CCDC7: variants seen among roughly 807,000 people sequenced by gnomAD.
CCDC7 encodes the protein coiled-coil domain-containing protein 7.
Under a neutral mutation model 196.9 loss-of-function variants are expected in CCDC7, and 183 were observed. The ratio of observed to expected loss-of-function variants is 0.93; its 90% CI spans 0.82 to 1.05. CCDC7 has a LOEUF of 1.05. Ranked by LOEUF, CCDC7 falls within the 50% of genes least tolerant of loss-of-function variation. CCDC7 has a pLI of 0.00. For missense variants in CCDC7, 1,540 were observed against 1,482.2 expected (o/e 1.04, Z -0.64); for synonymous variants, 525 against 484.6 (o/e 1.08, Z -1.10).
At chr10:32,638,271 A>G (rs577449241) in intron 20 of CCDC7, among the ~76,000 whole-genome samples, 1 of 152,328 alleles carries the variant, frequency 6.6e-6, no homozygotes, top group East Asian at 1.9e-4. Flanking sequence ...AACTAAGTTG[A>G]ATAGGAGTCG....
intron 18 of CCDC7, among the ~76,000 whole-genome samples, chr10:32,608,578 G>C (rs1400693670): frequency 6.6e-6 from 1 of 151,856 alleles, no homozygotes; most frequent in Admixed American, 6.6e-5. Context: ...GTCTTGCTCT[G>C]TTGCCCAGGC....
At chr10:32,542,334 A>G (rs1286459783) in intron 11 of CCDC7, among the ~76,000 whole-genome samples, 1 of 152,160 alleles carries the variant, frequency 6.6e-6, no homozygotes, top group Non-Finnish European at 1.5e-5. Flanking sequence ...TGCAAAAACA[A>G]TGAGTGAAAG....
At chr10:32,664,448 G>A (rs1222974010) in intron 21 of CCDC7, among the ~76,000 whole-genome samples, 4 of 151,840 alleles carry the variant, frequency 2.6e-5, no homozygotes, top group Admixed American at 2.0e-4. Context: ...TCTCTTAAAC[G>A]TTTCTCATTT....
intron 24 of CCDC7, among the ~76,000 whole-genome samples, chr10:32,709,697 C>T (rs1014817687): frequency 1.3e-5 from 2 of 152,138 alleles, no homozygotes; most frequent in African/African-American, 4.8e-5. Context: ...CGGTTTCTAA[C>T]AGGCCAGAGA....
chr10:32,670,542 T>G (rs1161238890), intron 21 of CCDC7, among the ~76,000 whole-genome samples: 1 of 63,828 alleles, frequency 1.6e-5, no homozygotes, highest in African/African-American at 7.2e-5. Flanking sequence ...CCCTCCCCCC[T>G]CCCCCCACCC....
intron 16 of CCDC7, among the ~76,000 whole-genome samples, chr10:32,574,030 G>A (rs1020652805): frequency 5.9e-5 from 9 of 152,086 alleles, no homozygotes; most frequent in Admixed American, 5.9e-4. Context: ...ATTTCTGACT[G>A]GATTAAGAAT....
chr10:32,642,404 G>T (rs1001171643), intron 20 of CCDC7, among the ~76,000 whole-genome samples: 1 of 152,184 alleles, frequency 6.6e-6, no homozygotes, highest in Non-Finnish European at 1.5e-5. Context: ...TCAGACTGCT[G>T]TGCTAGCAAT....
chr10:32,471,921 T>A (rs1335547910), intron 6 of CCDC7, among the ~76,000 whole-genome samples: 1 of 152,168 alleles, frequency 6.6e-6, no homozygotes, highest in East Asian at 1.9e-4. Flanking sequence ...ACTTGACATT[T>A]AAGTGTCTGC....
At chr10:32,794,110 C>G (rs924964964) in intron 29 of CCDC7, among the ~76,000 whole-genome samples, 1 of 152,160 alleles carries the variant, frequency 6.6e-6, no homozygotes, top group Non-Finnish European at 1.5e-5. Flanking sequence ...CCATGTCCCT[C>G]TCCCACTCTC....
chr10:32,585,007 T>G (rs148842292), intron 18 of CCDC7, among the ~76,000 whole-genome samples: 1,771 of 152,258 alleles, frequency 0.012, 15 homozygotes, highest in Non-Finnish European at 0.018. Flanking sequence ...CAAAGATATT[T>G]TTTTCTTCCT....
chr10:32,578,811 T>G (rs1383671882), intron 16 of CCDC7, among the ~76,000 whole-genome samples: 2 of 152,132 alleles, frequency 1.3e-5, no homozygotes, highest in African/African-American at 4.8e-5. Flanking sequence ...TGATATAGAA[T>G]GTATCTTTTT....
chr10:32,811,725 G>A (rs2087164258), intron 30 of CCDC7, among the ~76,000 whole-genome samples: 2 of 151,882 alleles, frequency 1.3e-5, no homozygotes, highest in South Asian at 4.1e-4. Context: ...AGTCTACAAG[G>A]CCAGCATTTA....
intron 31 of CCDC7, among the ~76,000 whole-genome samples, chr10:32,817,615 C>G (rs1380937448): frequency 6.6e-6 from 1 of 150,778 alleles, no homozygotes; most frequent in Non-Finnish European, 1.5e-5. Flanking sequence ...CAAAGGGAAG[C>G]CCATCAGACT....
intron 13 of CCDC7, 169 bp downstream of exon 14, chr10:32,544,470 T>C: frequency 2.0e-6 from 1 of 490,922 alleles, no homozygotes; most frequent in Non-Finnish European, 3.3e-6. Context: ...AATGTCTTTC[T>C]TGTTGATGGA....
intron 41 of CCDC7, among the ~76,000 whole-genome samples, chr10:32,863,283 T>C (rs1214384277): frequency 1.3e-5 from 2 of 152,074 alleles, no homozygotes; most frequent in Non-Finnish European, 2.9e-5. Flanking sequence ...CAAACTCATA[T>C]GGTAATGGCA....
At chr10:32,483,439 G>T (rs1415814846) in intron 8 of CCDC7, among the ~76,000 whole-genome samples, 4 of 152,164 alleles carry the variant, frequency 2.6e-5, no homozygotes, top group African/African-American at 9.7e-5. Flanking sequence ...CTCCCATTCT[G>T]TAGGTTGCCT....
chr10:32,878,750 T>C (rs115617612), downstream of CCDC7, among the ~76,000 whole-genome samples: 107 of 152,270 alleles, frequency 7.0e-4, no homozygotes, highest in African/African-American at 2.4e-3. Flanking sequence ...GGAGATCATA[T>C]GAATGCTTTA....
At chr10:32,465,248 C>G (rs922629675) in intron 5 of CCDC7, among the ~76,000 whole-genome samples, 1 of 151,826 alleles carries the variant, frequency 6.6e-6, no homozygotes, top group African/African-American at 2.4e-5. Flanking sequence ...CTATAATAAC[C>G]CTTAAGAGTT....
chr10:32,461,705 G>GTATATATATATATATATA (rs1412871541), intron 3 of CCDC7, among the ~76,000 whole-genome samples: 25 of 36,158 alleles, frequency 6.9e-4, no homozygotes, highest in African/African-American at 2.2e-3. Flanking sequence ...GTGTGTGTGT[G>GTATATATATATATATATA]TGTGTATATA....
Sources: gnomAD v4.1 joint callset for allele counts (sites outside exome capture counted in the v4.1 genomes callset) on GRCh38, gnomAD v4.1.1 for gene constraint, MANE v1.5 for transcripts, NCBI Gene and HGNC (gene_info 2026-07-23, HGNC 2026-07-21) for gene names.